The following KCNJ6 variants were observed in gnomAD, a reference collection of about 807,000 sequenced individuals.
KCNJ6 encodes potassium inwardly rectifying channel subfamily J member 6, also known as G protein-activated inward rectifier potassium channel 2.
Under a neutral mutation model 34.2 loss-of-function variants are expected in KCNJ6, and 9 were observed. The ratio of observed to expected loss-of-function variants is 0.26; its 90% CI spans 0.16 to 0.46. KCNJ6 has a LOEUF of 0.46. KCNJ6 is among the 20% of genes least tolerant of loss of function. The pLI, the probability that KCNJ6 is intolerant of heterozygous loss-of-function variation, is 1.00. For synonymous variants in KCNJ6, 196 were observed against 207.1 expected, an observed-to-expected ratio of 0.95 and a Z score of 0.46; for missense variants, 236 against 531.3, an observed-to-expected ratio of 0.44 and a Z score of 5.46.
intron 2 of KCNJ6, among the ~76,000 whole-genome samples, chr21:37,818,211 CGTGTGTGTGTGTGT>C (rs10539396): frequency 1.2e-3 from 175 of 148,328 alleles, no homozygotes; most frequent in Non-Finnish European, 1.8e-3. Flanking sequence ...TGTGTGCGTG[CGTGTGTGTGTGTGT>C]GTGTGTGTGT....
intron 2 of KCNJ6, among the ~76,000 whole-genome samples, chr21:37,759,394 C>G (rs1397980312): frequency 6.6e-6 from 1 of 152,134 alleles, no homozygotes; most frequent in Non-Finnish European, 1.5e-5. Flanking sequence ...AGAGTGAGAC[C>G]AGGAAGAGCT....
At chr21:37,701,086 G>A (rs2054688587) in intron 3 of KCNJ6, among the ~76,000 whole-genome samples, 1 of 152,216 alleles carries the variant, frequency 6.6e-6, no homozygotes, top group African/African-American at 2.4e-5. Flanking sequence ...CAATGGAGAT[G>A]CCCAGGAGGA....
intron 3 of KCNJ6, among the ~76,000 whole-genome samples, chr21:37,645,128 A>T (rs1002491357): frequency 6.6e-6 from 1 of 151,834 alleles, no homozygotes; most frequent in Non-Finnish European, 1.5e-5. Context: ...TAATCCCAGC[A>T]ATTTGGGAGG....
chr21:37,682,211 G>C (rs1241128212), intron 3 of KCNJ6, among the ~76,000 whole-genome samples: 1 of 152,182 alleles, frequency 6.6e-6, no homozygotes, highest in Non-Finnish European at 1.5e-5. Context: ...GAGGCCAGAA[G>C]TCTGAAATCA....
At chr21:37,648,011 T>C (rs2054413625) in intron 3 of KCNJ6, among the ~76,000 whole-genome samples, 1 of 152,218 alleles carries the variant, frequency 6.6e-6, no homozygotes, top group African/African-American at 2.4e-5. Flanking sequence ...AAGTCATGCC[T>C]GTGATCCGTG....
At chr21:37,842,898 C>T in intron 1 of KCNJ6, among the ~76,000 whole-genome samples, 1 of 152,200 alleles carries the variant, frequency 6.6e-6, no homozygotes, top group African/African-American at 2.4e-5. Flanking sequence ...TCAGCTTCCC[C>T]TCATAGCCCA....
intron 2 of KCNJ6, among the ~76,000 whole-genome samples, chr21:37,754,337 T>G (rs1281695534): frequency 1.3e-5 from 2 of 152,150 alleles, no homozygotes; most frequent in African/African-American, 4.8e-5. Context: ...TAAGAAACCA[T>G]GAGATTTCTG....
chr21:37,766,878 A>G (rs1486372590), intron 2 of KCNJ6, among the ~76,000 whole-genome samples: 3 of 152,146 alleles, frequency 2.0e-5, no homozygotes, highest in Non-Finnish European at 4.4e-5. Flanking sequence ...CCTACTGTGA[A>G]CTGCACCTGC....
intron 3 of KCNJ6, among the ~76,000 whole-genome samples, chr21:37,632,713 AAAG>A (rs1251177842): frequency 1.3e-5 from 2 of 152,186 alleles, no homozygotes; most frequent in African/African-American, 4.8e-5. Flanking sequence ...TGAAAACACA[AAAG>A]GAGATTATAA....
chr21:37,901,684 T>A (rs1183120779), intron 1 of KCNJ6, among the ~76,000 whole-genome samples: 1 of 152,222 alleles, frequency 6.6e-6, no homozygotes, highest in Non-Finnish European at 1.5e-5. Context: ...CTCCCTTCTC[T>A]ATGTTGGTAA....
chr21:37,625,869 G>C (rs140393368), intron 3 of KCNJ6, among the ~76,000 whole-genome samples: 21 of 152,358 alleles, frequency 1.4e-4, no homozygotes, highest in African/African-American at 4.8e-4. Flanking sequence ...TGGAGGTTTA[G>C]CCTGGGTTCT....
chr21:37,905,962 T>G (rs148015219), intron 1 of KCNJ6, among the ~76,000 whole-genome samples: 99 of 152,370 alleles, frequency 6.5e-4, no homozygotes, highest in Non-Finnish European at 1.0e-3. Flanking sequence ...CTTGACTGCA[T>G]GAAGGTCTGC....
Position 37,625,497 on chromosome 21 carries a change from G to C in KCNJ6, c.947-13C>G. The C allele has an allele frequency of 6.3e-7, 1 of 1,599,490 alleles. No individual in the cohort carries two copies. The highest frequency in any genetic ancestry group is 8.5e-7 in the Non-Finnish European group (1 of 1,169,762). ...TGGCATGTCATCCCTGCAGAGAGAA[G>C]AATGGAGGCTTTAGCATATGTAAGT... On this transcript the variant is annotated splice_polypyrimidine_tract_variant and intron_variant, in intron 3 of 3. Coordinates refer to ENST00000609713, the MANE Select transcript of KCNJ6 (RefSeq NM_002240.5).
intron 3 of KCNJ6, among the ~76,000 whole-genome samples, chr21:37,673,193 C>T (rs1601413454): frequency 6.6e-6 from 1 of 152,192 alleles, no homozygotes; most frequent in African/African-American, 2.4e-5. Flanking sequence ...GGAGCAGAGG[C>T]TGGAGGAAGA....
intron 2 of KCNJ6, among the ~76,000 whole-genome samples, chr21:37,783,978 T>C (rs1481737549): frequency 6.6e-6 from 1 of 152,250 alleles, no homozygotes; most frequent in Admixed American, 6.5e-5. Flanking sequence ...AGTTAGCATC[T>C]TGATATTGGA....
chr21:37,737,993 A>G lies in KCNJ6; in HGVS notation c.26-22862T>C, dbSNP rs551523316. ...ATGCTCTGCACCTGGCCAGCTCTCCAGGAAGCCAAGGTGGAATGATGGGTT... is the reference window on the plus strand; with the variant it reads ...ATGCTCTGCACCTGGCCAGCTCTCCGGGAAGCCAAGGTGGAATGATGGGTT... On this transcript the variant is annotated intron_variant, in intron 2 of 3. Coordinates refer to ENST00000609713, the MANE Select transcript of KCNJ6 (RefSeq NM_002240.5). Among the ~76,000 whole-genome samples the G allele has an allele frequency of 8.5e-5, 13 of 152,320 alleles. 1 individual carries two copies. In the South Asian group the frequency reaches 1.7e-3, roughly 19 times the overall value.
At chr21:37,821,185 T>C (rs184877528) in intron 2 of KCNJ6, among the ~76,000 whole-genome samples, 165 of 152,328 alleles carry the variant, frequency 1.1e-3, no homozygotes, top group Non-Finnish European at 5.0e-4. Flanking sequence ...GCACATAATA[T>C]GGAAAATAAC....
intron 2 of KCNJ6, among the ~76,000 whole-genome samples, chr21:37,828,245 G>A (rs1000649364): frequency 1.3e-5 from 2 of 152,188 alleles, no homozygotes; most frequent in Non-Finnish European, 2.9e-5. Context: ...AAAGCACACC[G>A]GGGTGTAGGT....
At chr21:37,802,153 A>T (rs2055272384) in intron 2 of KCNJ6, among the ~76,000 whole-genome samples, 1 of 152,150 alleles carries the variant, frequency 6.6e-6, no homozygotes, top group South Asian at 2.1e-4. Context: ...GGATCCAGGC[A>T]TCCTTCCATT....
Sources: allele counts gnomAD v4.1 joint callset (sites outside exome capture counted in the v4.1 genomes callset), GRCh38; gene constraint gnomAD v4.1.1; transcripts MANE v1.5; gene names NCBI Gene and HGNC (gene_info 2026-07-23, HGNC 2026-07-21).